The following AKR1D1 variants were observed in gnomAD, a reference collection of about 807,000 sequenced individuals.
The protein encoded by AKR1D1 is delta(4)-3-ketosteroid 5-beta-reductase.
Under a neutral mutation model 42.6 loss-of-function variants are expected in AKR1D1, and 32 were observed. The observed-to-expected ratio is 0.75, with a 90% CI of 0.57 to 1.01. The LOEUF is 1.01. AKR1D1 is among the 50% of genes least tolerant of loss of function. The probability of loss-of-function intolerance (pLI) is 0.00; values close to 1 mark genes in which losing one functional copy is unlikely to be tolerated. For synonymous variants in AKR1D1, 123 were observed against 135.5 expected (o/e 0.91, Z 0.64); for missense variants, 364 against 402.2 (o/e 0.91, Z 0.81).
At position 138,106,640 on chromosome 7, in the gene AKR1D1, A is replaced by AT; in HGVS notation, c.612_613insT (p.Leu205SerfsTer9). 6.2e-7 allele frequency: 1 copy of AT among 1,614,074 alleles called. No individual in the cohort carries two copies. Among genetic ancestry groups the AT allele is most frequent in the Admixed American group, 1.7e-5 (1 of 60,014 alleles). On this transcript the variant is annotated frameshift_variant, in exon 6 of 9. Transcript: ENST00000242375. LOFTEE classifies it high-confidence loss of function. ...GCCATCCGTATTTCACCCAGCCAAAACTCTTGAAATTTTGCCAACAACATG... is the reference window on the plus strand; with the variant it reads ...GCCATCCGTATTTCACCCAGCCAAAATCTCTTGAAATTTTGCCAACAACATG...
At chr7:138,097,308 A>G (rs1021385637) in intron 3 of AKR1D1, among the ~76,000 whole-genome samples, 2 of 152,228 alleles carry the variant, frequency 1.3e-5, no homozygotes, top group Non-Finnish European at 2.9e-5. Flanking sequence ...GAGAATGCAT[A>G]CAAGAGTGAT....
intron 4 of AKR1D1, among the ~76,000 whole-genome samples, chr7:138,103,852 G>A (rs906332245): frequency 1.3e-5 from 2 of 152,144 alleles, no homozygotes; most frequent in African/African-American, 4.8e-5. Flanking sequence ...CAGAATACAG[G>A]AGGACATTGG....
intron 1 of AKR1D1, 116 bp from the exon 2 acceptor site, chr7:138,088,485 T>C: frequency 5.7e-6 from 7 of 1,236,966 alleles, no homozygotes; most frequent in South Asian, 1.3e-5. Context: ...CAGCAAGGAA[T>C]TGGGAATGTG....
intron 7 of AKR1D1, among the ~76,000 whole-genome samples, chr7:138,111,793 C>T (rs2117472067): frequency 6.6e-6 from 1 of 152,240 alleles, no homozygotes; most frequent in African/African-American, 2.4e-5. Flanking sequence ...ATGTAGGTTA[C>T]AATTGCAAGT....
rs1227313967 is a variant in AKR1D1 at position 138,091,784 on chromosome 7, A to C, written c.278A>C (p.His93Pro). ...FYCGKLWATN[H>P]VPEMVRPTLE... ...TTCTTTCAGCTATGGGCTACAAATC[A>C]TGTCCCAGAGATGGTCCGCCCAACC... Residue 93 changes from histidine to proline, a missense_variant, in exon 3 of 9, where the codon CAT becomes CCT. Transcript: ENST00000242375. 6.2e-7 allele frequency: 1 copy of C among 1,612,896 alleles called. No homozygotes were observed. Among genetic ancestry groups the C allele is most frequent in the Middle Eastern group, 1.7e-4 (1 of 6,056 alleles).
intron 2 of AKR1D1, 28 bp downstream of exon 2, chr7:138,088,796 G>T: frequency 6.4e-7 from 1 of 1,568,624 alleles, no homozygotes. Flanking sequence ...GCCTCCACTG[G>T]GGACAGTGAG....
At chr7:138,105,172 T>C in intron 4 of AKR1D1, 135 bp from the exon 5 acceptor site, 1 of 1,225,282 alleles carries the variant, frequency 8.2e-7, no homozygotes, top group Non-Finnish European at 1.2e-6. Flanking sequence ...CATCCTTCTT[T>C]TACTTTTTTT....
chr7:138,086,594 T>C (rs1009231404), intron 1 of AKR1D1, among the ~76,000 whole-genome samples: 1 of 152,128 alleles, frequency 6.6e-6, no homozygotes, highest in Non-Finnish European at 1.5e-5. Flanking sequence ...ACAATATATG[T>C]CCCCAAGGCT....
At chr7:138,078,929 G>A (rs1199755942) in intron 1 of AKR1D1, among the ~76,000 whole-genome samples, 1 of 152,234 alleles carries the variant, frequency 6.6e-6, no homozygotes, top group African/African-American at 2.4e-5. Flanking sequence ...AGCAAAGGGA[G>A]GTGGGGGTGC....
At chr7:138,089,353 A>T (rs1239026912) in intron 2 of AKR1D1, among the ~76,000 whole-genome samples, 1 of 151,764 alleles carries the variant, frequency 6.6e-6, no homozygotes, top group Non-Finnish European at 1.5e-5. Context: ...CCTCTCTCAA[A>T]AAAAAAAAAG....
At chr7:138,090,038 A>G (rs1259310896) in intron 2 of AKR1D1, among the ~76,000 whole-genome samples, 3 of 152,200 alleles carry the variant, frequency 2.0e-5, no homozygotes, top group Non-Finnish European at 4.4e-5. Context: ...CTCACACCGA[A>G]CCTGGCACAA....
Position 138,105,367 on chromosome 7 carries a change from C to G in AKR1D1, c.517C>G (p.Arg173Gly). The G allele has an allele frequency of 6.2e-7, 1 of 1,614,066 alleles. No individual in the cohort carries two copies. Among genetic ancestry groups the G allele is most frequent in the South Asian group, 1.1e-5 (1 of 91,080 alleles). The change falls in exon 5 of 9, where the codon CGC becomes GGC. Residue 173 changes from arginine to glycine, a missense_variant. Transcript: ENST00000242375. ...ATCCCTGGGAGTGTCCAATTTTAAC[C>G]GCAGGCAGCTGGAGCTCATCCTGAA... ...VKSLGVSNFN[R>G]RQLELILNKP...
chr7:138,113,808 T>C (rs1335326068), intron 8 of AKR1D1, 36 bp downstream of exon 8: 1 of 1,567,540 alleles, frequency 6.4e-7, no homozygotes, highest in Non-Finnish European at 8.8e-7. Context: ...TATTGACCAG[T>C]GGTATTGAAT....
chr7:138,103,471 A>T (rs1455702680), intron 4 of AKR1D1, among the ~76,000 whole-genome samples: 2 of 152,160 alleles, frequency 1.3e-5, no homozygotes, highest in Admixed American at 1.3e-4. Context: ...AAGAAACAGG[A>T]TAAGTGGGAT....
At chr7:138,077,988 G>T (rs151243273) in intron 1 of AKR1D1, among the ~76,000 whole-genome samples, 7 of 152,192 alleles carry the variant, frequency 4.6e-5, no homozygotes, top group Admixed American at 4.6e-4. Context: ...TTAAGGCAGG[G>T]TCTTACTCTG....
intron 4 of AKR1D1, among the ~76,000 whole-genome samples, chr7:138,102,336 G>A (rs898139608): frequency 1.3e-5 from 2 of 152,120 alleles, no homozygotes; most frequent in Non-Finnish European, 2.9e-5. Context: ...GAGAGGCTGA[G>A]TGGGGAGAAT....
intron 1 of AKR1D1, among the ~76,000 whole-genome samples, chr7:138,083,400 G>A (rs1322418414): frequency 6.6e-6 from 1 of 151,918 alleles, no homozygotes; most frequent in African/African-American, 2.4e-5. Context: ...TTTTTCTTTG[G>A]GGTTTTTTGT....
At chr7:138,099,960 C>T (rs984833899) in intron 4 of AKR1D1, among the ~76,000 whole-genome samples, 2 of 150,762 alleles carry the variant, frequency 1.3e-5, no homozygotes, top group Non-Finnish European at 1.5e-5. Flanking sequence ...GACCTGTAGT[C>T]CCAGCTACTT....
At chr7:138,086,185 G>A (rs905711415) in intron 1 of AKR1D1, among the ~76,000 whole-genome samples, 4 of 151,934 alleles carry the variant, frequency 2.6e-5, no homozygotes, top group African/African-American at 7.3e-5. Flanking sequence ...CCTGGGTGAC[G>A]GAGACCCTGT....
Sources: gnomAD v4.1 joint callset for allele counts (sites outside exome capture counted in the v4.1 genomes callset) on GRCh38, gnomAD v4.1.1 for gene constraint, MANE v1.5 for transcripts, NCBI Gene and HGNC (gene_info 2026-07-23, HGNC 2026-07-21) for gene names.